Variants in THRB observed in about 807,000 individuals in gnomAD.
The protein encoded by THRB is nuclear receptor subfamily 1 group A member 2.
Under a neutral mutation model 47.8 loss-of-function variants are expected in THRB, and 12 were observed. The observed-to-expected ratio is 0.25, with a 90% CI of 0.16 to 0.41. The LOEUF (loss-of-function observed/expected upper bound fraction) is 0.41. Ranked by LOEUF, THRB falls within the 10% of genes least tolerant of loss-of-function variation. THRB has a pLI of 1.00. For synonymous variants in THRB, 218 were observed against 212.2 expected (o/e 1.03, Z -0.24); for missense variants, 348 against 589.2 (o/e 0.59, Z 4.24).
At chr3:24,349,158 T>C (rs2063207057) in intron 1 of THRB, among the ~76,000 whole-genome samples, 1 of 152,098 alleles carries the variant, frequency 6.6e-6, no homozygotes, top group African/African-American at 2.4e-5. Context: ...TTTTAAAAGA[T>C]ATCCAAGACT....
At chr3:24,465,936 C>G (rs567513122) in intron 1 of THRB, among the ~76,000 whole-genome samples, 1 of 152,120 alleles carries the variant, frequency 6.6e-6, no homozygotes, top group African/African-American at 2.4e-5. Flanking sequence ...TCCCATCTCC[C>G]CCTTCCATTT....
At chr3:24,421,488 C>T (rs2069257362) in intron 1 of THRB, among the ~76,000 whole-genome samples, 1 of 151,712 alleles carries the variant, frequency 6.6e-6, no homozygotes, top group African/African-American at 2.4e-5. Context: ...GCACTGAGGA[C>T]TTATGTGTTG....
Position 24,263,434 on chromosome 3 carries a change from A to G in THRB, c.-43+33792T>C, listed in dbSNP as rs143485976. 4.5e-3 allele frequency among the ~76,000 whole-genome samples: 691 copies of G among 152,302 alleles called. 9 individuals carry two copies. Among genetic ancestry groups the G allele is most frequent in the African/African-American group, 0.015 (615 of 41,554 alleles). ...AAGAAGTTGAAGCAGAATGTGTCAG[A>G]TCCTAAAGTCCACGCTTTTAAAATT... On this transcript the variant is annotated intron_variant, in intron 3 of 10. Coordinates refer to ENST00000646209, the MANE Select transcript of THRB (RefSeq NM_001354712.2).
intron 1 of THRB, among the ~76,000 whole-genome samples, chr3:24,416,731 C>A (rs372843035): frequency 4.0e-5 from 6 of 151,770 alleles, no homozygotes; most frequent in African/African-American, 1.5e-4. Context: ...ATACTTAGAG[C>A]ACTTGGATCA....
chr3:24,313,793 T>TAA (rs1232043867), intron 2 of THRB, among the ~76,000 whole-genome samples: 5 of 148,148 alleles, frequency 3.4e-5, no homozygotes, highest in African/African-American at 9.8e-5. Flanking sequence ...AGGCTTTTTT[T>TAA]AAAAAAAAAA....
intron 4 of THRB, among the ~76,000 whole-genome samples, chr3:24,199,093 A>G (rs2044301628): frequency 6.6e-6 from 1 of 152,218 alleles, no homozygotes; most frequent in South Asian, 2.1e-4. Flanking sequence ...CACCTACTAC[A>G]TGCCAGATAG....
At chr3:24,223,512 A>G (rs567475824) in intron 4 of THRB, among the ~76,000 whole-genome samples, 2 of 152,342 alleles carry the variant, frequency 1.3e-5, no homozygotes, top group East Asian at 3.9e-4. Flanking sequence ...AACCATATTT[A>G]CAATTTATTT....
At chr3:24,475,040 T>C (rs1291936273) in intron 1 of THRB, among the ~76,000 whole-genome samples, 1 of 152,228 alleles carries the variant, frequency 6.6e-6, no homozygotes, top group Non-Finnish European at 1.5e-5. Flanking sequence ...CCTCATGTTC[T>C]AAAAACAAAA....
At chr3:24,330,836 G>C (rs561225080) in intron 2 of THRB, among the ~76,000 whole-genome samples, 1 of 152,214 alleles carries the variant, frequency 6.6e-6, no homozygotes, top group East Asian at 1.9e-4. Context: ...AGAAAACCAA[G>C]TTATACTTAT....
chr3:24,458,401 G>A (rs1410484103), intron 1 of THRB: 1 of 152,082 alleles, frequency 6.6e-6, no homozygotes, highest in East Asian at 1.9e-4. Context: ...CTGCAATTTG[G>A]TCTGTAGTTT....
intron 3 of THRB, among the ~76,000 whole-genome samples, chr3:24,259,687 G>T (rs937674727): frequency 1.5e-5 from 2 of 137,548 alleles, no homozygotes; most frequent in Non-Finnish European, 3.1e-5. Flanking sequence ...CCATATCAGA[G>T]ACTAGAAGTT....
chr3:24,119,800 C>T lies in THRB; in HGVS notation c.*3084G>A, dbSNP rs1335228055. On this transcript the variant is annotated 3_prime_UTR_variant, in exon 11 of 11. Transcript: ENST00000646209. ...GAATCATAAAGAAGAAAACATCTTACTTTTTTCATTGTTTCTGGAAATACT... is the reference window on the plus strand; with the variant it reads ...GAATCATAAAGAAGAAAACATCTTATTTTTTTCATTGTTTCTGGAAATACT... The T allele has an allele frequency of 6.6e-6, 1 of 152,222 alleles. No individual in the cohort carries two copies. The highest frequency in any genetic ancestry group is 1.5e-5 in the Non-Finnish European group (1 of 68,040). 9.4% of individuals were successfully genotyped at this position (152,222 alleles called of 1,614,324 possible). A position where few individuals can be genotyped will look rare whatever the true frequency, so the allele number is the denominator to read the frequency against.
At chr3:24,191,250 TAA>T (rs937138103) in intron 4 of THRB, among the ~76,000 whole-genome samples, 1 of 113,580 alleles carries the variant, frequency 8.8e-6, no homozygotes, top group African/African-American at 5.5e-5. Context: ...ATGAGCAAGC[TAA>T]TATATATATA....
chr3:24,185,001 CACTTTGTT>C (rs1358672077), intron 5 of THRB, among the ~76,000 whole-genome samples: 1 of 152,150 alleles, frequency 6.6e-6, no homozygotes, highest in Non-Finnish European at 1.5e-5. Context: ...ACTTTTAAGA[CACTTTGTT>C]ATTTTGGTAA....
intron 2 of THRB, among the ~76,000 whole-genome samples, chr3:24,334,419 A>G (rs905134650): frequency 2.6e-5 from 4 of 152,226 alleles, no homozygotes; most frequent in African/African-American, 9.6e-5. Flanking sequence ...AATTTGATGA[A>G]TATTTTTAAA....
In THRB at chr3:24,121,380, G is replaced by A. The variant is rs2031657011; in HGVS notation, c.*1504C>T. On this transcript the variant is annotated 3_prime_UTR_variant, in exon 11 of 11. Coordinates refer to ENST00000646209, the MANE Select transcript of THRB (RefSeq NM_001354712.2). Reference sequence around the variant, plus strand: ...TTTTTAGGTAAATCTCACTGATATGGCTTATTTTCCCCAATATTTCCAGGA... The same window carrying A: ...TTTTTAGGTAAATCTCACTGATATGACTTATTTTCCCCAATATTTCCAGGA... 6.6e-6 allele frequency: 1 copy of A among 152,586 alleles called. No homozygotes were observed. The highest frequency in any genetic ancestry group is 1.5e-5 in the Non-Finnish European group (1 of 68,028). 9.5% of individuals were successfully genotyped at this position (152,586 alleles called of 1,614,324 possible).
At chr3:24,206,040 A>G (rs1220206034) in intron 4 of THRB, among the ~76,000 whole-genome samples, 1 of 152,192 alleles carries the variant, frequency 6.6e-6, no homozygotes, top group Admixed American at 6.5e-5. Flanking sequence ...AGACTCCCAC[A>G]CAATAATAAT....
chr3:24,445,320 T>C (rs1420703057), intron 1 of THRB, among the ~76,000 whole-genome samples: 1 of 152,150 alleles, frequency 6.6e-6, no homozygotes, highest in Non-Finnish European at 1.5e-5. Flanking sequence ...ATTTATCAGC[T>C]ATTGAGCCTA....
intron 1 of THRB, among the ~76,000 whole-genome samples, chr3:24,405,563 C>T (rs1023568376): frequency 6.6e-6 from 1 of 151,830 alleles, no homozygotes; most frequent in Non-Finnish European, 1.5e-5. Context: ...GATGTTTTCC[C>T]ATTGCATTTG....
Sources: allele counts gnomAD v4.1 joint callset (sites outside exome capture counted in the v4.1 genomes callset), GRCh38; gene constraint gnomAD v4.1.1; transcripts MANE v1.5; gene names NCBI Gene and HGNC (gene_info 2026-07-23, HGNC 2026-07-21).